The following KLF7 variants were observed in gnomAD, a reference collection of about 807,000 sequenced individuals.
KLF7 encodes the protein KLF transcription factor 7.
A neutral mutation model predicts 27.3 loss-of-function variants in KLF7; 2 were observed. The ratio of observed to expected loss-of-function variants is 0.07; its 90% CI spans 0.03 to 0.23. The LOEUF is 0.23. KLF7 is among the 10% of genes least tolerant of loss of function. The pLI is 1.00. For missense variants in KLF7, 221 were observed against 394.1 expected, an observed-to-expected ratio of 0.56 and a Z score of 3.72; for synonymous variants, 165 against 162.4, an observed-to-expected ratio of 1.02 and a Z score of -0.12.
intron 2 of KLF7, among the ~76,000 whole-genome samples, chr2:207,095,031 CTTTTTTTT>C (rs36091471): frequency 0.017 from 1,392 of 82,462 alleles, 35 homozygotes; most frequent in African/African-American, 0.062. Flanking sequence ...TGTTTTTATT[CTTTTTTTT>C]TTTTTTTTTT....
chr2:207,087,565 T>C (rs1183368227), intron 3 of KLF7, among the ~76,000 whole-genome samples: 2 of 152,194 alleles, frequency 1.3e-5, no homozygotes, highest in Non-Finnish European at 2.9e-5. Flanking sequence ...TTTCAGGGGC[T>C]TTTATCGTAT....
intron 1 of KLF7, among the ~76,000 whole-genome samples, chr2:207,125,777 G>A (rs1460371992): frequency 6.6e-6 from 1 of 152,190 alleles, no homozygotes; most frequent in African/African-American, 2.4e-5. Context: ...TGTCACAAGT[G>A]TTCATGCAAC....
rs115558164 is a variant in KLF7 at position 207,093,265 on chromosome 2, A to G, written c.734-4684T>C. ...ATGAAATTAAAGTGTAAAAGTTCCAATGGTTTTCTATCGTTCTCAGAAAAA... is the reference window on the plus strand; with the variant it reads ...ATGAAATTAAAGTGTAAAAGTTCCAGTGGTTTTCTATCGTTCTCAGAAAAA... On this transcript the variant is annotated intron_variant, in intron 2 of 3. Coordinates refer to ENST00000309446, the MANE Select transcript of KLF7 (RefSeq NM_003709.4). 3.2e-3 allele frequency among the ~76,000 whole-genome samples: 480 copies of G among 152,344 alleles called. 1 individual carries two copies. Among genetic ancestry groups the G allele is most frequent in the African/African-American group, 0.011 (463 of 41,584 alleles).
intron 2 of KLF7, among the ~76,000 whole-genome samples, chr2:207,104,031 G>C (rs573616645): frequency 6.0e-4 from 91 of 152,208 alleles, no homozygotes; most frequent in Non-Finnish European, 1.0e-3. Flanking sequence ...ACCACCTCCA[G>C]AGGCTGGTGT....
chr2:207,165,186 G>A (rs905973451), intron 1 of KLF7, among the ~76,000 whole-genome samples: 1 of 152,202 alleles, frequency 6.6e-6, no homozygotes, highest in East Asian at 1.9e-4. Context: ...TCTGATAGGG[G>A]ACAGCAAACC....
At chr2:207,137,123 T>A (rs887475696) in intron 1 of KLF7, among the ~76,000 whole-genome samples, 1 of 151,986 alleles carries the variant, frequency 6.6e-6, no homozygotes, top group Non-Finnish European at 1.5e-5. Flanking sequence ...TTAACTGGTA[T>A]CCTGGGTGAA....
intron 2 of KLF7, among the ~76,000 whole-genome samples, chr2:207,118,885 T>C (rs921733961): frequency 2.6e-5 from 4 of 152,246 alleles, no homozygotes; most frequent in African/African-American, 9.6e-5. Flanking sequence ...TACACTGGTC[T>C]TTTTGTTTGT....
intron 2 of KLF7, among the ~76,000 whole-genome samples, chr2:207,098,056 G>A (rs1311199426): frequency 1.3e-5 from 2 of 152,134 alleles, no homozygotes; most frequent in African/African-American, 2.4e-5. Context: ...GAAGCTGTAT[G>A]TTCTCAAGTT....
chr2:207,104,894 C>T (rs147796285), intron 2 of KLF7, among the ~76,000 whole-genome samples: 88 of 152,332 alleles, frequency 5.8e-4, no homozygotes, highest in African/African-American at 2.1e-3. Flanking sequence ...GCTGTTCTAA[C>T]TCTTTAAAAA....
chr2:207,084,224 G>T (rs766627512), intron 3 of KLF7, among the ~76,000 whole-genome samples: 1 of 152,146 alleles, frequency 6.6e-6, no homozygotes, highest in African/African-American at 2.4e-5. Context: ...ATTTGAGATG[G>T]TAAGGAGTGA....
Position 207,124,005 on chromosome 2 carries a change from C to T in KLF7, c.502G>A (p.Ala168Thr), listed in dbSNP as rs996297385. The T allele has an allele frequency of 1.9e-6, 3 of 1,614,168 alleles. No homozygotes were observed. The South Asian group carries it at 3.3e-5, about 18-fold the overall frequency. The change falls in exon 2 of 4, where the codon GCC (alanine) becomes ACC (threonine). Residue 168 changes from alanine to threonine, a missense_variant. By Grantham distance (58) the Ala-to-Thr change is moderately conservative. Around this residue, in one of 3 missense-constraint regions of KLF7, gnomAD observed 180 missense variants for 227.9 expected, o/e 0.79. Coordinates refer to ENST00000309446, the MANE Select transcript of KLF7 (RefSeq NM_003709.4). ...VDGTVTLKLVAKKAALSSVKV... is the reference protein window; with the variant it reads ...VDGTVTLKLVTKKAALSSVKV... The stretch of plus-strand genomic sequence containing the variant: ...ACGGAGCTGAGAGCAGCCTTCTTGG[C>T]CACCAGTTTCAACGTCACCGTGCCA...
At chr2:207,171,998 C>T (rs1453576454), upstream of KLF7, among the ~76,000 whole-genome samples, 2 of 152,136 alleles carry the variant, frequency 1.3e-5, no homozygotes, top group African/African-American at 4.8e-5. Context: ...AGGTAAAGCA[C>T]CGGTTGGGGC....
chr2:207,134,311 A>G (rs555917855), intron 1 of KLF7, among the ~76,000 whole-genome samples: 5 of 152,148 alleles, frequency 3.3e-5, no homozygotes, highest in African/African-American at 1.2e-4. Context: ...TCCAAAGCAC[A>G]GCTGCACACG....
At chr2:207,082,943 G>T (rs2076308727) in intron 3 of KLF7, among the ~76,000 whole-genome samples, 1 of 152,214 alleles carries the variant, frequency 6.6e-6, no homozygotes, top group African/African-American at 2.4e-5. Flanking sequence ...CCAAGGGAAT[G>T]AAGTGAAATG....
At chr2:207,145,955 G>A (rs2078085936) in intron 1 of KLF7, among the ~76,000 whole-genome samples, 1 of 152,206 alleles carries the variant, frequency 6.6e-6, no homozygotes, top group Non-Finnish European at 1.5e-5. Flanking sequence ...ATAAATTATA[G>A]CGATGAAATT....
chr2:207,119,429 A>T (rs75061676), intron 2 of KLF7, among the ~76,000 whole-genome samples: 1 of 123,764 alleles, frequency 8.1e-6, no homozygotes, highest in Non-Finnish European at 1.8e-5. Flanking sequence ...TAAGATTTTT[A>T]AAAATTGATT....
intron 2 of KLF7, among the ~76,000 whole-genome samples, chr2:207,116,159 T>G (rs2077179548): frequency 6.6e-6 from 1 of 152,232 alleles, no homozygotes. Flanking sequence ...CAGAGCTTAG[T>G]GTCATCTGAC....
intron 1 of KLF7, among the ~76,000 whole-genome samples, chr2:207,126,357 C>A (rs1256092335): frequency 1.3e-5 from 2 of 152,188 alleles, no homozygotes; most frequent in Non-Finnish European, 2.9e-5. Context: ...AGCACAGTGC[C>A]TGGCACCTAA....
intron 1 of KLF7, among the ~76,000 whole-genome samples, chr2:207,128,227 C>T (rs992989066): frequency 6.6e-6 from 1 of 152,118 alleles, no homozygotes; most frequent in Admixed American, 6.5e-5. Flanking sequence ...CAGAAGCCAA[C>T]TTAAAGGAGC....
Sources: gnomAD v4.1 joint callset for allele counts (sites outside exome capture counted in the v4.1 genomes callset) on GRCh38, gnomAD v4.1.1 for gene constraint, gnomAD v4.1.1 regional missense constraint, MANE v1.5 for transcripts, NCBI Gene and HGNC (gene_info 2026-07-23, HGNC 2026-07-21) for gene names.